The following MCM5 variants were observed in gnomAD, a reference collection of about 807,000 sequenced individuals.
The protein encoded by MCM5 is minichromosome maintenance complex component 5, also known as DNA replication licensing factor MCM5.
In MCM5, 46 loss-of-function variants were observed where a neutral mutation model predicts 79.9. That is an observed-to-expected ratio of 0.58 (90% CI 0.45 to 0.74). The LOEUF (loss-of-function observed/expected upper bound fraction) is 0.74. MCM5 is among the 30% of genes least tolerant of loss of function. MCM5 has a pLI of 0.00. For missense variants in MCM5, 883 were observed against 1,017.0 expected (o/e 0.87, Z 1.79); for synonymous variants, 404 against 390.5 (o/e 1.03, Z -0.41).
intron 4 of MCM5, among the ~76,000 whole-genome samples, chr22:35,406,247 C>T (rs1213873422): frequency 6.6e-6 from 1 of 151,514 alleles, no homozygotes; most frequent in Admixed American, 6.6e-5. Flanking sequence ...TCTCTCCTGG[C>T]ACCTGCCACT....
chr22:35,406,293 G>GCCCCCCCCCCCC, intron 4 of MCM5, among the ~76,000 whole-genome samples: 1 of 89,734 alleles, frequency 1.1e-5, no homozygotes, highest in Non-Finnish European at 2.2e-5. Flanking sequence ...CTCTTGCCCT[G>GCCCCCCCCCCCC]CCACCTCCCC....
chr22:35,438,408 TATTC>T, the MCM5 span, among the ~76,000 whole-genome samples: 2 of 115,818 alleles, frequency 1.7e-5, no homozygotes, highest in African/African-American at 3.2e-5. Flanking sequence ...CCCACCCACA[TATTC>T]ATCCATCCAT....
the MCM5 span, among the ~76,000 whole-genome samples, chr22:35,439,394 C>T: frequency 1.9e-3 from 25 of 13,180 alleles, no homozygotes; most frequent in East Asian, 2.6e-3. Flanking sequence ...CATACATCCA[C>T]CCACCCACCC....
At chr22:35,449,269 A>G in the MCM5 span, among the ~76,000 whole-genome samples, 1 of 152,196 alleles carries the variant, frequency 6.6e-6, no homozygotes, top group South Asian at 2.1e-4. Context: ...TCAGGGAAGA[A>G]CGTTCTAGGC....
chr22:35,409,199 A>G (rs1050224124), intron 6 of MCM5, among the ~76,000 whole-genome samples: 1 of 152,066 alleles, frequency 6.6e-6, no homozygotes, highest in East Asian at 1.9e-4. Flanking sequence ...TCCTGACCTC[A>G]TGATCCGCCC....
chr22:35,439,405 A>G, the MCM5 span, among the ~76,000 whole-genome samples: 2 of 29,342 alleles, frequency 6.8e-5, no homozygotes, highest in African/African-American at 2.7e-4. Flanking sequence ...CCACCCACCC[A>G]CCCACCCACA....
chr22:35,448,485 C>T, the MCM5 span, among the ~76,000 whole-genome samples: 8 of 152,168 alleles, frequency 5.3e-5, no homozygotes, highest in Non-Finnish European at 8.8e-5. Flanking sequence ...CCCCACAAAA[C>T]ATCATCGTAT....
At chr22:35,448,594 C>T in the MCM5 span, among the ~76,000 whole-genome samples, 15 of 152,230 alleles carry the variant, frequency 9.9e-5, no homozygotes, top group Admixed American at 5.2e-4. Context: ...AGACAAGGGT[C>T]CTGGCTCTCC....
At chr22:35,400,353 G>A in intron 1 of MCM5, 78 bp from the exon 2 acceptor site, 1 of 1,551,920 alleles carries the variant, frequency 6.4e-7, no homozygotes, top group Non-Finnish European at 8.9e-7. Flanking sequence ...CGGACTCAGG[G>A]CAGGGACCCA....
At chr22:35,444,739 C>T in the MCM5 span, among the ~76,000 whole-genome samples, 1 of 152,228 alleles carries the variant, frequency 6.6e-6, no homozygotes, top group South Asian at 2.1e-4. Context: ...AGAGGCCAGG[C>T]ACAGGGGCTC....
At chr22:35,445,062 C>T in the MCM5 span, among the ~76,000 whole-genome samples, 18 of 152,136 alleles carry the variant, frequency 1.2e-4, no homozygotes, top group Non-Finnish European at 2.5e-4. Context: ...ATTTGGAAAC[C>T]GAGAGCTGGG....
At chr22:35,435,823 A>G in the MCM5 span, among the ~76,000 whole-genome samples, 2 of 152,128 alleles carry the variant, frequency 1.3e-5, no homozygotes, top group African/African-American at 4.8e-5. Context: ...TCTGCTTGAG[A>G]GGGAAAAGGA....
chr22:35,444,917 C>T, the MCM5 span, among the ~76,000 whole-genome samples: 2 of 152,224 alleles, frequency 1.3e-5, no homozygotes, highest in African/African-American at 2.4e-5. Flanking sequence ...CCTTCTTCCT[C>T]TCTAAAGAAT....
At chr22:35,406,056 C>T (rs539821520) in intron 4 of MCM5, among the ~76,000 whole-genome samples, 6 of 151,972 alleles carry the variant, frequency 3.9e-5, no homozygotes, top group Non-Finnish European at 5.9e-5. Context: ...CCTTATTGTC[C>T]GGTGTGGGAA....
the MCM5 span, among the ~76,000 whole-genome samples, chr22:35,445,655 A>G: frequency 6.6e-6 from 1 of 151,766 alleles, no homozygotes; most frequent in Admixed American, 6.6e-5. Flanking sequence ...GACTACAGGC[A>G]CCCACCACCA....
intron 11 of MCM5, 53 bp downstream of exon 11, chr22:35,416,457 C>T: frequency 6.3e-7 from 1 of 1,582,056 alleles, no homozygotes. Flanking sequence ...CGTGGCCCAA[C>T]CGTCCTCAGG....
chr22:35,419,632 G>A (rs547414522), intron 13 of MCM5, among the ~76,000 whole-genome samples: 2 of 152,326 alleles, frequency 1.3e-5, no homozygotes, highest in South Asian at 4.1e-4. Context: ...CTGCAGACGT[G>A]CCTGGCTTTT....
the MCM5 span, among the ~76,000 whole-genome samples, chr22:35,454,330 G>A: frequency 6.6e-6 from 1 of 152,122 alleles, no homozygotes; most frequent in East Asian, 1.9e-4. Context: ...GGGGAAATTT[G>A]TTGCCCTCTA....
At chr22:35,431,533 C>T in the MCM5 span, among the ~76,000 whole-genome samples, 12 of 152,160 alleles carry the variant, frequency 7.9e-5, no homozygotes, top group South Asian at 6.2e-4. Flanking sequence ...TCTCTCTGAC[C>T]GTCCCCAGCC....
Sources: allele counts gnomAD v4.1 joint callset (sites outside exome capture counted in the v4.1 genomes callset), GRCh38; gene constraint gnomAD v4.1.1; transcripts MANE v1.5; gene names NCBI Gene and HGNC (gene_info 2026-07-23, HGNC 2026-07-21).